Variants in MTUS1 observed in about 807,000 individuals in gnomAD.
MTUS1 encodes the protein microtubule associated scaffold protein 1.
A neutral mutation model predicts 120.8 loss-of-function variants in MTUS1; 109 were observed. The ratio of observed to expected loss-of-function variants is 0.90; its 90% CI spans 0.77 to 1.06. The LOEUF (loss-of-function observed/expected upper bound fraction) is 1.06. MTUS1 is among the 50% of genes least tolerant of loss of function. The probability of loss-of-function intolerance (pLI) is 0.00; values close to 1 mark genes in which losing one functional copy is unlikely to be tolerated. For synonymous variants in MTUS1, 737 were observed against 550.5 expected (o/e 1.34, Z -4.74); for missense variants, 2,210 against 1,486.3 (o/e 1.49, Z -8.01).
chr8:17,654,800 CATACAA>C (rs1807844050), intron 9 of MTUS1, 134 bp from the exon 10 acceptor site: 1 of 646,294 alleles, frequency 1.5e-6, no homozygotes. Context: ...CTCCTCAACA[CATACAA>C]AGGTCAGGGC....
chr8:17,751,962 T>TA (rs1474378240), intron 2 of MTUS1, among the ~76,000 whole-genome samples: 2 of 151,768 alleles, frequency 1.3e-5, no homozygotes, highest in Non-Finnish European at 1.5e-5. Flanking sequence ...TTTCAAGACT[T>TA]ACAAAGTATT....
intron 1 of MTUS1, among the ~76,000 whole-genome samples, chr8:17,769,387 G>A (rs1247342948): frequency 2.9e-5 from 4 of 137,984 alleles, no homozygotes; most frequent in South Asian, 2.3e-4. Flanking sequence ...TCGCTCTGTC[G>A]CCCAGGCTGG....
In MTUS1 at chr8:17,749,362, A is replaced by G. The variant is rs537280002; in HGVS notation, c.2091+4355T>C. On this transcript the variant is annotated intron_variant, in intron 2 of 14. Transcript: ENST00000693296. ...CTTTAACTCTTTGAACCAACTGCCAATTAGAAAATCTTTAGGCTGGGGGTG... is the reference window on the plus strand; with the variant it reads ...CTTTAACTCTTTGAACCAACTGCCAGTTAGAAAATCTTTAGGCTGGGGGTG... 2.6e-5 allele frequency among the ~76,000 whole-genome samples: 4 copies of G among 152,220 alleles called. No homozygotes were observed. In the South Asian group the frequency reaches 8.3e-4, roughly 32 times the overall value.
rs1321962055 is a variant in MTUS1, at chr8:17,644,098, G to GATGA, written c.*1824_*1827dup. ...AACACAAGATTTACCATGCCTAGGG[G>GATGA]ATGAATGGCAAACCCAACTTTGGCT... On this transcript the variant is annotated 3_prime_UTR_variant, in exon 15 of 15. Coordinates refer to ENST00000693296, the MANE Select transcript of MTUS1 (RefSeq NM_001363059.2). 1 of 152,206 alleles carries GATGA rather than the reference G, an allele frequency of 6.6e-6. No individual in the cohort carries two copies. Among genetic ancestry groups the GATGA allele is most frequent in the Non-Finnish European group, 1.5e-5 (1 of 68,054 alleles). The allele number at this position is 152,206 out of a possible 1,614,324, so 9.4% of individuals were successfully genotyped here. A position where few individuals can be genotyped will look rare whatever the true frequency, so the allele number is the denominator to read the frequency against.
intron 1 of MTUS1, among the ~76,000 whole-genome samples, chr8:17,797,799 T>C (rs1032289737): frequency 6.6e-6 from 1 of 152,172 alleles, no homozygotes; most frequent in African/African-American, 2.4e-5. Flanking sequence ...CGCTCTAAGC[T>C]TGGGGAATAA....
chr8:17,688,224 T>C (rs980826395), intron 6 of MTUS1, among the ~76,000 whole-genome samples: 6 of 152,246 alleles, frequency 3.9e-5, no homozygotes, highest in Non-Finnish European at 8.8e-5. Flanking sequence ...TCATGAAATA[T>C]ATTTATTAAA....
At chr8:17,713,730 G>T (rs7823893) in intron 5 of MTUS1, among the ~76,000 whole-genome samples, 3,299 of 152,168 alleles carry the variant, frequency 0.022, 114 homozygotes, top group African/African-American at 0.075. Context: ...AATCAGGAGG[G>T]GTAATAGGTA....
At chr8:17,759,255 T>G (rs551751344) in intron 1 of MTUS1, among the ~76,000 whole-genome samples, 1 of 151,776 alleles carries the variant, frequency 6.6e-6, no homozygotes, top group East Asian at 1.9e-4. Flanking sequence ...TTTTTACCAG[T>G]TGTCTTTTTT....
chr8:17,797,924 T>C (rs907725461), intron 1 of MTUS1, among the ~76,000 whole-genome samples: 11 of 152,160 alleles, frequency 7.2e-5, no homozygotes, highest in African/African-American at 2.7e-4. Flanking sequence ...GGAAGACGTG[T>C]TCCCCCGCCC....
Position 17,755,583 on chromosome 8 carries a change from C to G in MTUS1, c.225G>C (p.Gln75His), listed in dbSNP as rs781355086. 4 of 1,614,112 alleles carry G rather than the reference C, an allele frequency of 2.5e-6. No individual in the cohort carries two copies. Among genetic ancestry groups the G allele is most frequent in the Non-Finnish European group, 3.4e-6 (4 of 1,180,028 alleles). ...TTTCATGACCAAATACTTCAACACC[C>G]TGAAGGCTTAAAGAAATATTTTCAC... ...VTGENISLSL[Q>H]GVEVFGHEKS... The change falls in exon 2 of 15, where the codon CAG becomes CAC. Residue 75 changes from glutamine (Q) to histidine (H), a missense_variant. Coordinates refer to ENST00000693296, the MANE Select transcript of MTUS1 (RefSeq NM_001363059.2).
intron 6 of MTUS1, among the ~76,000 whole-genome samples, chr8:17,695,569 T>C (rs1281655363): frequency 6.6e-6 from 1 of 152,252 alleles, no homozygotes; most frequent in Admixed American, 6.5e-5. Context: ...AGAAGCCTTG[T>C]GTCGTTTGCT....
chr8:17,645,853 G>A lies in MTUS1; in HGVS notation c.*73C>T, dbSNP rs1348595590. The stretch of plus-strand genomic sequence containing the variant: ...GTGCTGATATACCTCTTGTGCCCAC[G>A]TTCCTCCTTGGGGTCAGTCCTGCAG... On this transcript the variant is annotated 3_prime_UTR_variant, in exon 15 of 15. Coordinates refer to ENST00000693296, the MANE Select transcript of MTUS1 (RefSeq NM_001363059.2). 6 of 1,526,546 alleles carry A rather than the reference G, an allele frequency of 3.9e-6. No homozygotes were observed. The highest frequency in any genetic ancestry group is 4.2e-5 in the Admixed American group (2 of 47,922). 94.6% of individuals were successfully genotyped at this position (1,526,546 alleles called of 1,614,324 possible). A position where few individuals can be genotyped will look rare whatever the true frequency, so the allele number is the denominator to read the frequency against.
intron 4 of MTUS1, among the ~76,000 whole-genome samples, chr8:17,718,479 G>C (rs1269628361): frequency 6.6e-6 from 1 of 152,058 alleles, no homozygotes; most frequent in Admixed American, 6.5e-5. Flanking sequence ...CGCCCATATC[G>C]GGTATGGGAA....
chr8:17,778,989 T>G (rs1035673590), intron 1 of MTUS1, among the ~76,000 whole-genome samples: 1 of 151,796 alleles, frequency 6.6e-6, no homozygotes, highest in East Asian at 1.9e-4. Flanking sequence ...GTGAACAAAA[T>G]AGACAAAAAA....
intron 6 of MTUS1, chr8:17,697,656 A>C (rs1818253711): frequency 8.6e-7 from 1 of 1,161,994 alleles, no homozygotes; most frequent in Non-Finnish European, 1.1e-6. Flanking sequence ...CTGCCTCTGA[A>C]CCACATCACA....
chr8:17,733,988 A>G (rs920563141), intron 3 of MTUS1, among the ~76,000 whole-genome samples: 4 of 152,160 alleles, frequency 2.6e-5, no homozygotes, highest in Admixed American at 6.5e-5. Flanking sequence ...ATAATCTCCT[A>G]TATTACAGAA....
At position 17,648,531 on chromosome 8, in the gene MTUS1, G is replaced by A. The variant is rs34354971; in HGVS notation, c.3501+1315C>T. Among the ~76,000 whole-genome samples the A allele has an allele frequency of 8.8e-3, 1,347 of 152,302 alleles. 7 individuals carry two copies. The highest frequency in any genetic ancestry group is 0.011 in the Non-Finnish European group (736 of 68,030). ...AGAAGATACCAGACTCAGTCGAACA[G>A]GACGACCTTTGGCAGGAACTGGTAT... On this transcript the variant is annotated intron_variant, in intron 13 of 14. Coordinates refer to ENST00000693296, the MANE Select transcript of MTUS1 (RefSeq NM_001363059.2).
chr8:17,800,305 TG>T (rs2131628283), intron 1 of MTUS1, among the ~76,000 whole-genome samples: 1 of 152,272 alleles, frequency 6.6e-6, no homozygotes, highest in South Asian at 2.1e-4. Flanking sequence ...TGGCAAAACT[TG>T]AAAGCTTCCA....
chr8:17,756,698 G>A lies in MTUS1; in HGVS notation c.-154-737C>T, dbSNP rs2048650952. 3.5e-5 allele frequency among the ~76,000 whole-genome samples: 4 copies of A among 114,662 alleles called. No individual in the cohort carries two copies. In the South Asian group the frequency reaches 1.3e-3, roughly 39 times the overall value. 75.2% of individuals were successfully genotyped at this position (114,662 alleles called of 152,430 possible). ...CCCCACCCCTTATGTAACTATGTTG[G>A]AGACAGAGCCTTTAAGGAGGTGATT... On this transcript the variant is annotated intron_variant, in intron 1 of 14. Coordinates refer to ENST00000693296, the MANE Select transcript of MTUS1 (RefSeq NM_001363059.2).
Sources: gnomAD v4.1 joint callset for allele counts (sites outside exome capture counted in the v4.1 genomes callset) on GRCh38, gnomAD v4.1.1 for gene constraint, MANE v1.5 for transcripts, NCBI Gene and HGNC (gene_info 2026-07-23, HGNC 2026-07-21) for gene names.